Variants in CYRIA observed in about 807,000 individuals in gnomAD.
CYRIA encodes CYFIP related Rac1 interactor A.
CYRIA carries 15 observed loss-of-function variants against 43.9 expected under a neutral mutation model. That is an observed-to-expected ratio of 0.34 (90% CI 0.23 to 0.53). CYRIA has a LOEUF of 0.53. Ranked by LOEUF, CYRIA falls within the 20% of genes least tolerant of loss-of-function variation. The probability of loss-of-function intolerance (pLI) is 0.94; values close to 1 mark genes in which losing one functional copy is unlikely to be tolerated. For synonymous variants in CYRIA, 117 were observed against 136.0 expected, an observed-to-expected ratio of 0.86 and a Z score of 0.97; for missense variants, 236 against 394.2, an observed-to-expected ratio of 0.60 and a Z score of 3.40.
At chr2:16,605,139 C>T (rs185589570) in intron 2 of CYRIA, among the ~76,000 whole-genome samples, 1 of 151,110 alleles carries the variant, frequency 6.6e-6, no homozygotes, top group African/African-American at 2.4e-5. Flanking sequence ...AAAAAAAAAA[C>T]CACGAAACCA....
At chr2:16,617,305 T>C (rs1668834985) in intron 2 of CYRIA, among the ~76,000 whole-genome samples, 1 of 152,212 alleles carries the variant, frequency 6.6e-6, no homozygotes, top group South Asian at 2.1e-4. Flanking sequence ...TCTGCCAGTG[T>C]GCACCTGGCC....
intron 2 of CYRIA, among the ~76,000 whole-genome samples, chr2:16,613,296 G>A (rs1351167330): frequency 6.6e-6 from 1 of 152,170 alleles, no homozygotes; most frequent in Non-Finnish European, 1.5e-5. Flanking sequence ...GCTGTCCCAG[G>A]GGAGGACATG....
chr2:16,610,937 T>TATATATAA (rs58203028), intron 2 of CYRIA, among the ~76,000 whole-genome samples: 5 of 134,534 alleles, frequency 3.7e-5, no homozygotes, highest in Admixed American at 2.9e-4. Context: ...TATATATATA[T>TATATATAA]CCTGTATATC....
At chr2:16,646,114 T>A (rs1289896134) in intron 1 of CYRIA, among the ~76,000 whole-genome samples, 1 of 152,196 alleles carries the variant, frequency 6.6e-6, no homozygotes, top group African/African-American at 2.4e-5. Context: ...TTTCCCTCTC[T>A]GGGCCTCAGT....
intron 1 of CYRIA, among the ~76,000 whole-genome samples, chr2:16,637,957 C>T (rs1305526384): frequency 6.6e-6 from 1 of 152,144 alleles, no homozygotes; most frequent in African/African-American, 2.4e-5. Context: ...TCAGATGCCA[C>T]AGACCCTGGA....
intron 1 of CYRIA, among the ~76,000 whole-genome samples, chr2:16,629,661 G>A (rs1484274701): frequency 1.3e-5 from 2 of 152,188 alleles, no homozygotes; most frequent in Admixed American, 1.3e-4. Flanking sequence ...AGGGCTCTGG[G>A]CCCTCATCCT....
At chr2:16,621,002 T>G (rs1668975240) in intron 2 of CYRIA, among the ~76,000 whole-genome samples, 2 of 152,136 alleles carry the variant, frequency 1.3e-5, no homozygotes, top group Non-Finnish European at 2.9e-5. Context: ...TCCTCTGAGC[T>G]CCCCAAGCAC....
At chr2:16,561,376 T>C (rs940953408) in intron 7 of CYRIA, 80 bp downstream of exon 7, 6 of 1,496,060 alleles carry the variant, frequency 4.0e-6, no homozygotes, top group Middle Eastern at 1.7e-4. Context: ...GACATTGTCT[T>C]CTGTCTGTGC....
At chr2:16,649,463 T>A (rs960560838) in intron 1 of CYRIA, among the ~76,000 whole-genome samples, 2 of 151,230 alleles carry the variant, frequency 1.3e-5, no homozygotes, top group African/African-American at 4.9e-5. Flanking sequence ...GTACAGGGCA[T>A]GGTTATACAG....
In CYRIA at chr2:16,650,508, G is replaced by C. The variant is rs1669945241; in HGVS notation, c.-167+15272C>G. Among the ~76,000 whole-genome samples the C allele has an allele frequency of 1.3e-5, 2 of 152,352 alleles. No individual in the cohort carries two copies. The highest frequency in any genetic ancestry group is 6.5e-5 in the Admixed American group (1 of 15,306). On this transcript the variant is annotated intron_variant, in intron 1 of 11. Transcript: ENST00000381323. The surrounding 1 kb of genome is among the most constrained non-coding windows in gnomAD (Gnocchi z 4.1). The stretch of plus-strand genomic sequence containing the variant: ...CAGGGATGATGCAACAACAGACCAA[G>C]AGGCCTACAATAGAACAAATGCAGA...
At chr2:16,588,791 TG>T (rs570453279) in intron 2 of CYRIA, among the ~76,000 whole-genome samples, 9 of 152,156 alleles carry the variant, frequency 5.9e-5, no homozygotes, top group Non-Finnish European at 1.3e-4. Flanking sequence ...GAGGATCTTG[TG>T]ATCTGACATT....
At chr2:16,606,651 C>T (rs1320632544) in intron 2 of CYRIA, among the ~76,000 whole-genome samples, 1 of 152,126 alleles carries the variant, frequency 6.6e-6, no homozygotes, top group Non-Finnish European at 1.5e-5. Context: ...AGTTTATCTG[C>T]CTCCATAGTT....
chr2:16,570,770 C>A (rs1217627475), intron 3 of CYRIA, among the ~76,000 whole-genome samples: 4 of 152,114 alleles, frequency 2.6e-5, no homozygotes, highest in African/African-American at 9.7e-5. Flanking sequence ...TACAAACAGT[C>A]CCCACCACAC....
chr2:16,648,440 C>T (rs1440589368), intron 1 of CYRIA, among the ~76,000 whole-genome samples: 1 of 152,184 alleles, frequency 6.6e-6, no homozygotes, highest in African/African-American at 2.4e-5. Context: ...AGGCCACTGC[C>T]CATCAACAAT....
Position 16,657,725 on chromosome 2 carries a change from G to A in CYRIA, c.-167+8055C>T, listed in dbSNP as rs187494294. Among the ~76,000 whole-genome samples the A allele has an allele frequency of 3.7e-4, 57 of 152,274 alleles. 1 individual carries two copies. In the East Asian group the frequency reaches 7.9e-3, roughly 21 times the overall value. On this transcript the variant is annotated intron_variant, in intron 1 of 11. Coordinates refer to ENST00000381323, the MANE Select transcript of CYRIA (RefSeq NM_030797.4). ...CTTCTTTGAGACTCTTTGCTCAGAT[G>A]TGCTTCCAAATTCAGAAATGTCTTT...
At chr2:16,562,897 C>T (rs1296953887) in intron 5 of CYRIA, among the ~76,000 whole-genome samples, 1 of 152,020 alleles carries the variant, frequency 6.6e-6, no homozygotes, top group Non-Finnish European at 1.5e-5. Context: ...GTGGCAGAGG[C>T]GAGTAGTTGC....
At chr2:16,586,905 AG>A in intron 3 of CYRIA, among the ~76,000 whole-genome samples, 1 of 152,264 alleles carries the variant, frequency 6.6e-6, no homozygotes, top group South Asian at 2.1e-4. Context: ...AATTTTGAAA[AG>A]GGGTGAACAT....
At chr2:16,558,256 A>T (rs1207753920) in intron 10 of CYRIA, among the ~76,000 whole-genome samples, 3 of 152,206 alleles carry the variant, frequency 2.0e-5, no homozygotes, top group Non-Finnish European at 4.4e-5. Context: ...AGAAATAATT[A>T]CATTAAAAAT....
chr2:16,583,540 C>G (rs13387631), intron 3 of CYRIA, among the ~76,000 whole-genome samples: 11,614 of 152,218 alleles, frequency 0.076, 542 homozygotes, highest in East Asian at 0.13. Flanking sequence ...TTCTAATGAT[C>G]ATTTCAGCCT....
Sources: allele counts gnomAD v4.1 joint callset (sites outside exome capture counted in the v4.1 genomes callset), GRCh38; gene constraint gnomAD v4.1.1; non-coding constraint Gnocchi (gnomAD v3.1); transcripts MANE v1.5; gene names NCBI Gene and HGNC (gene_info 2026-07-23, HGNC 2026-07-21).